CNTN4: variants seen among roughly 807,000 people sequenced by gnomAD.
The protein encoded by CNTN4 is contactin-4.
A neutral mutation model predicts 122.5 loss-of-function variants in CNTN4; 77 were observed. That is an observed-to-expected ratio of 0.63 (90% CI 0.52 to 0.76). CNTN4 has a LOEUF of 0.76. Among genes scored for constraint, CNTN4 ranks in the 30% least tolerant of loss-of-function variants. The pLI, the probability that CNTN4 is intolerant of heterozygous loss-of-function variation, is 0.00. For synonymous variants in CNTN4, 512 were observed against 447.0 expected (o/e 1.15, Z -1.83); for missense variants, 1,256 against 1,259.1 (o/e 1.00, Z 0.04).
chr3:3,010,506 A>G (rs78393486), intron 14 of CNTN4, among the ~76,000 whole-genome samples: 9,892 of 151,848 alleles, frequency 0.065, 508 homozygotes, highest in Non-Finnish European at 0.088. Flanking sequence ...TGTTTAAAAA[A>G]GTTTTAGAAG....
At chr3:2,261,884 TTTA>T (rs2149754849) in intron 2 of CNTN4, among the ~76,000 whole-genome samples, 1 of 152,270 alleles carries the variant, frequency 6.6e-6, no homozygotes, top group South Asian at 2.1e-4. Flanking sequence ...TGAAAGCGAT[TTTA>T]TTGTTGCCCA....
intron 13 of CNTN4, among the ~76,000 whole-genome samples, chr3:2,981,912 G>A (rs1445010628): frequency 6.6e-6 from 1 of 151,838 alleles, no homozygotes; most frequent in Non-Finnish European, 1.5e-5. Flanking sequence ...TAGACGTGGG[G>A]GTACATGCCT....
At chr3:2,919,353 GA>G (rs200119254) in intron 12 of CNTN4, among the ~76,000 whole-genome samples, 53 of 108,466 alleles carry the variant, frequency 4.9e-4, no homozygotes, top group East Asian at 7.5e-4. Flanking sequence ...CTCTGTCTCA[GA>G]AAAAAAAAAA....
At chr3:2,333,843 A>G (rs918631736) in intron 2 of CNTN4, among the ~76,000 whole-genome samples, 4 of 152,166 alleles carry the variant, frequency 2.6e-5, no homozygotes, top group African/African-American at 9.7e-5. Context: ...ATAAACATGG[A>G]TAATTTAGTA....
intron 2 of CNTN4, among the ~76,000 whole-genome samples, chr3:2,231,944 GATT>G (rs2149549612): frequency 6.6e-6 from 1 of 152,096 alleles, no homozygotes; most frequent in Admixed American, 6.6e-5. Flanking sequence ...TAACATATAG[GATT>G]ATACCTGAAT....
At chr3:2,740,943 C>G (rs2089422650) in intron 5 of CNTN4, among the ~76,000 whole-genome samples, 1 of 152,152 alleles carries the variant, frequency 6.6e-6, no homozygotes, top group Admixed American at 6.5e-5. Context: ...CAGTGTTTTT[C>G]AAACAGAATT....
Position 2,098,979 on chromosome 3 carries a change from G to GT in CNTN4, c.-227+2dup, listed in dbSNP as rs2031637884. The GT allele has an allele frequency of 6.6e-6, 1 of 152,350 alleles. No homozygotes were observed. Among genetic ancestry groups the GT allele is most frequent in the Non-Finnish European group, 1.5e-5 (1 of 68,164 alleles). 9.4% of individuals were successfully genotyped at this position (152,350 alleles called of 1,614,324 possible). A position where few individuals can be genotyped will look rare whatever the true frequency, so the allele number is the denominator to read the frequency against. Reference sequence around the variant, plus strand: ...GCCAGCCCGGCGCCCCGGTGCTGAGGTAAGTGAGGCGGCAGCTGTGCGGGT... The same window carrying GT: ...GCCAGCCCGGCGCCCCGGTGCTGAGGTTAAGTGAGGCGGCAGCTGTGCGGGT... On this transcript the variant is annotated splice_donor_variant, in intron 1 of 24. Transcript: ENST00000418658. LOFTEE classifies it low-confidence loss of function (5UTR_SPLICE).
intron 6 of CNTN4, among the ~76,000 whole-genome samples, chr3:2,765,285 T>C (rs758914404): frequency 1.1e-3 from 170 of 152,178 alleles, no homozygotes; most frequent in Non-Finnish European, 2.0e-3. Flanking sequence ...TGCACGGAGA[T>C]GAAAGGATGA....
intron 15 of CNTN4, 66 bp downstream of exon 15, chr3:3,026,343 A>G: frequency 7.2e-7 from 1 of 1,380,134 alleles, no homozygotes; most frequent in East Asian, 2.4e-5. Context: ...ATATATTTAA[A>G]GTTACTATTT....
chr3:2,547,377 C>G (rs1479444233), intron 3 of CNTN4, among the ~76,000 whole-genome samples: 1 of 151,980 alleles, frequency 6.6e-6, no homozygotes, highest in Non-Finnish European at 1.5e-5. Flanking sequence ...GATTCTTTGG[C>G]CACAGCCTCC....
At position 2,834,965 on chromosome 3, in the gene CNTN4, G is replaced by C. The variant is rs191500164; in HGVS notation, c.454+15384G>C. ...TGTCGCCCAGGCTGGAGTGCAGTGG[G>C]GCGATCTCGGCTCACTGCCAGCTCC... On this transcript the variant is annotated intron_variant, in intron 7 of 24. Coordinates refer to ENST00000418658, the MANE Select transcript of CNTN4 (RefSeq NM_175607.3). 7.3e-3 allele frequency among the ~76,000 whole-genome samples: 983 copies of C among 134,680 alleles called. 5 individuals are homozygous for C. Among genetic ancestry groups the C allele is most frequent in the East Asian group, 0.025 (102 of 4,036 alleles). The allele number at this position is 134,680 out of a possible 152,430, so 88.4% of individuals were successfully genotyped here. A position where few individuals can be genotyped will look rare whatever the true frequency, so the allele number is the denominator to read the frequency against.
At chr3:2,176,539 A>T (rs1371053474) in intron 2 of CNTN4, among the ~76,000 whole-genome samples, 1 of 152,150 alleles carries the variant, frequency 6.6e-6, no homozygotes, top group Non-Finnish European at 1.5e-5. Context: ...TAAAATAAGA[A>T]TTTAACAATG....
At chr3:3,022,766 A>G (rs1441902053) in intron 14 of CNTN4, among the ~76,000 whole-genome samples, 1 of 152,160 alleles carries the variant, frequency 6.6e-6, no homozygotes, top group Non-Finnish European at 1.5e-5. Context: ...CACTTGGTAA[A>G]TATATAGATT....
chr3:2,931,203 C>G (rs1018981105), intron 13 of CNTN4, among the ~76,000 whole-genome samples: 2 of 152,014 alleles, frequency 1.3e-5, no homozygotes, highest in Non-Finnish European at 2.9e-5. Context: ...ACATCAGTCT[C>G]CTGAGAGTGA....
At chr3:3,004,155 T>TAA (rs113655726) in intron 14 of CNTN4, among the ~76,000 whole-genome samples, 10 of 147,450 alleles carry the variant, frequency 6.8e-5, no homozygotes, top group Admixed American at 1.4e-4. Flanking sequence ...TTTGCACACT[T>TAA]AAAAAAAAAA....
Position 2,298,731 on chromosome 3 carries a change from G to C in CNTN4, c.-144-40447G>C, listed in dbSNP as rs548565539. 2.2e-4 allele frequency among the ~76,000 whole-genome samples: 34 copies of C among 152,266 alleles called. No individual in the cohort carries two copies. The South Asian group carries it at 7.0e-3, about 32-fold the overall frequency. On this transcript the variant is annotated intron_variant, in intron 2 of 24. Transcript: ENST00000418658. The stretch of plus-strand genomic sequence containing the variant: ...AGTTTACTTAGTGAATGTTATTCCT[G>C]AAGACTACAAGTGGCAGCAAAGAAA...
At chr3:2,722,901 C>T (rs2087950851) in intron 4 of CNTN4, among the ~76,000 whole-genome samples, 1 of 152,068 alleles carries the variant, frequency 6.6e-6, no homozygotes, top group Admixed American at 6.6e-5. Context: ...GCTGCTAATT[C>T]CAAAAAAGAA....
At chr3:2,134,837 G>A (rs773542623) in intron 2 of CNTN4, among the ~76,000 whole-genome samples, 18 of 152,118 alleles carry the variant, frequency 1.2e-4, no homozygotes, top group Non-Finnish European at 2.4e-4. Context: ...GTCCTCTTTT[G>A]ATCTCCAATT....
At chr3:2,479,445 A>C (rs1481075138) in intron 3 of CNTN4, among the ~76,000 whole-genome samples, 1 of 152,232 alleles carries the variant, frequency 6.6e-6, no homozygotes, top group African/African-American at 2.4e-5. Flanking sequence ...ACCATAAGTG[A>C]ACAGAATGTA....
Sources: allele counts gnomAD v4.1 joint callset (sites outside exome capture counted in the v4.1 genomes callset), GRCh38; gene constraint gnomAD v4.1.1; transcripts MANE v1.5; gene names NCBI Gene and HGNC (gene_info 2026-07-23, HGNC 2026-07-21).